Variants in PPP1R13B observed in about 807,000 individuals in gnomAD.
PPP1R13B encodes the protein apoptosis-stimulating of p53 protein 1.
PPP1R13B carries 44 observed loss-of-function variants against 119.8 expected under a neutral mutation model. That is an observed-to-expected ratio of 0.37 (90% CI 0.29 to 0.47). PPP1R13B has a LOEUF of 0.47. Ranked by LOEUF, PPP1R13B falls within the 20% of genes least tolerant of loss-of-function variation. The pLI, the probability that PPP1R13B is intolerant of heterozygous loss-of-function variation, is 0.99. For missense variants in PPP1R13B, 1,227 were observed against 1,413.5 expected (o/e 0.87, Z 2.12); for synonymous variants, 542 against 561.5 (o/e 0.97, Z 0.49).
intron 1 of PPP1R13B, among the ~76,000 whole-genome samples, chr14:103,810,970 T>C (rs1190732066): frequency 6.6e-6 from 1 of 150,784 alleles, no homozygotes; most frequent in Non-Finnish European, 1.5e-5. Flanking sequence ...TGCGTGCCTG[T>C]AATTCCACCT....
chr14:103,776,451 T>C (rs1339557468), intron 4 of PPP1R13B, among the ~76,000 whole-genome samples: 1 of 152,186 alleles, frequency 6.6e-6, no homozygotes, highest in Non-Finnish European at 1.5e-5. Flanking sequence ...CCGAGGCCAG[T>C]GGGCTAAACA....
At chr14:103,771,279 C>G (rs1049512196) in intron 4 of PPP1R13B, among the ~76,000 whole-genome samples, 2 of 151,902 alleles carry the variant, frequency 1.3e-5, no homozygotes, top group Non-Finnish European at 2.9e-5. Context: ...CAAAAAATGC[C>G]CAGAGGTAAA....
intron 1 of PPP1R13B, among the ~76,000 whole-genome samples, chr14:103,841,359 G>T (rs1247430048): frequency 6.6e-6 from 1 of 151,778 alleles, no homozygotes; most frequent in Non-Finnish European, 1.5e-5. Context: ...AGGCCGAGGC[G>T]GGCAGATCAC....
rs1290188022 is a variant in PPP1R13B, at chr14:103,735,094, A to G, written c.*60T>C. The G allele has an allele frequency of 6.3e-7, 1 of 1,591,502 alleles. No individual in the cohort carries two copies. Among genetic ancestry groups the G allele is most frequent in the Non-Finnish European group, 8.6e-7 (1 of 1,159,500 alleles). On this transcript the variant is annotated 3_prime_UTR_variant, in exon 17 of 17. Transcript: ENST00000202556. ...CTGCAGCTTTCCTGGAAAACAGCAC[A>G]ATAATCTCTTAAGTGGCTCCTGGTA...
intron 2 of PPP1R13B, among the ~76,000 whole-genome samples, chr14:103,787,195 T>C (rs991157993): frequency 6.6e-6 from 1 of 151,074 alleles, no homozygotes; most frequent in African/African-American, 2.4e-5. Flanking sequence ...ACGCCTGTAA[T>C]CCCAACACTT....
In PPP1R13B at chr14:103,740,562, T is replaced by C; in HGVS notation, c.1854A>G (p.Ser618=). 6.5e-7 allele frequency: 1 copy of C among 1,547,152 alleles called. No individual in the cohort carries two copies. The highest frequency in any genetic ancestry group is 8.7e-7 in the Non-Finnish European group (1 of 1,144,640). The change falls in exon 12 of 17, where the codon TCA becomes TCG. Residue 618 remains serine, a synonymous_variant. Transcript: ENST00000202556. This position sits in a 1 kb window ranked among gnomAD's most constrained non-coding sequence, Gnocchi z 4.6. ...GAAACGGCAGCGGCGATGGAGAGGT[T>C]GAACCCGAAGGTAAAACGGGCTTAC... The part of the protein sequence containing the change: ...VYGKPVLPSG[S]TSPSPLPFLH...
At chr14:103,744,932 A>G (rs1427975408) in intron 9 of PPP1R13B, among the ~76,000 whole-genome samples, 1 of 152,214 alleles carries the variant, frequency 6.6e-6, no homozygotes, top group Non-Finnish European at 1.5e-5. Context: ...AGCACAGCAG[A>G]CACCAACAAG....
chr14:103,846,849 T>A (rs2087050699), intron 1 of PPP1R13B: 2 of 505,068 alleles, frequency 4.0e-6, no homozygotes, highest in African/African-American at 2.0e-5. Context: ...CTTTCCTCAG[T>A]ACAACCGCGA....
In PPP1R13B at chr14:103,742,733, C is replaced by A. The variant is rs749856218; in HGVS notation, c.1241G>T (p.Ser414Ile). The part of the protein sequence containing the change: ...QVAGADWKDP[S>I]VEGSVKQGTV... ...GCCCTGCTTGACAGACCCCTCCACG[C>A]TCGGATCCTTCCAGTCTGCACCGGC... Residue 414 changes from serine to isoleucine, a missense_variant, in exon 10 of 17, where the codon AGC becomes ATC. Physicochemically the swap from Ser to Ile is moderately radical, Grantham distance 142. Coordinates refer to ENST00000202556, the MANE Select transcript of PPP1R13B (RefSeq NM_015316.3). This position sits in a 1 kb window ranked among gnomAD's most constrained non-coding sequence, Gnocchi z 4.9. The A allele has an allele frequency of 4.5e-5, 73 of 1,614,036 alleles. No homozygotes were observed. In the East Asian group the frequency reaches 7.3e-4, roughly 16 times the overall value.
intron 15 of PPP1R13B, 83 bp from the exon 16 acceptor site, chr14:103,736,285 TG>T: frequency 6.9e-7 from 1 of 1,452,512 alleles, no homozygotes; most frequent in Non-Finnish European, 9.5e-7. Context: ...GACACAGTCG[TG>T]CTGCTGCCGA....
intron 2 of PPP1R13B, among the ~76,000 whole-genome samples, chr14:103,795,910 A>G (rs1567130428): frequency 6.6e-6 from 1 of 152,238 alleles, no homozygotes; most frequent in African/African-American, 2.4e-5. Context: ...AAAAAATTGT[A>G]ATTTATATAC....
In PPP1R13B at chr14:103,761,143, G is replaced by A. The variant is rs138001560; in HGVS notation, c.355-3392C>T. ...ACAAAAATTAGCCAGGAATGGTAGCGGGCACCTGTAGTCCCAGTTACTTGG... is the reference window on the plus strand; with the variant it reads ...ACAAAAATTAGCCAGGAATGGTAGCAGGCACCTGTAGTCCCAGTTACTTGG... On this transcript the variant is annotated intron_variant, in intron 4 of 16. Coordinates refer to ENST00000202556, the MANE Select transcript of PPP1R13B (RefSeq NM_015316.3). Among the ~76,000 whole-genome samples the A allele has an allele frequency of 5.9e-5, 9 of 151,926 alleles. No homozygotes were observed. In the East Asian group the frequency reaches 9.7e-4, roughly 16 times the overall value.
chr14:103,775,470 T>C (rs932291843), intron 4 of PPP1R13B, among the ~76,000 whole-genome samples: 1 of 152,148 alleles, frequency 6.6e-6, no homozygotes, highest in Non-Finnish European at 1.5e-5. Flanking sequence ...AGAGAGGGTT[T>C]CACCATGTTG....
In PPP1R13B at chr14:103,778,754, A is replaced by C. The variant is rs770056840; in HGVS notation, c.345T>G (p.Thr115=). ...ATTCACTGTCACTTACCCCATTTTC[A>C]GTACGTTTTTCTCCAGGTACATTTA... ...NVINVPGEKR[T]ENGVGNPRVE... The change falls in exon 4 of 17, where the codon ACT becomes ACG. Residue 115 remains threonine, a synonymous_variant. Transcript: ENST00000202556. 10 of 1,613,412 alleles carry C rather than the reference A, an allele frequency of 6.2e-6. No individual in the cohort carries two copies. Among genetic ancestry groups the C allele is most frequent in the African/African-American group, 1.3e-5 (1 of 75,024 alleles).
At chr14:103,836,776 G>GAAAAAAAAAAA (rs11394353) in intron 1 of PPP1R13B, among the ~76,000 whole-genome samples, 1 of 114,832 alleles carries the variant, frequency 8.7e-6, no homozygotes. Context: ...TCTCAGAAAA[G>GAAAAAAAAAAA]AAAAAAAAAA....
At chr14:103,748,651 C>T (rs986593400) in intron 8 of PPP1R13B, among the ~76,000 whole-genome samples, 2 of 152,184 alleles carry the variant, frequency 1.3e-5, no homozygotes, top group African/African-American at 4.8e-5. Flanking sequence ...GCCACAGGTG[C>T]GAGAAAGTCA....
chr14:103,841,574 G>A (rs1231261340), intron 1 of PPP1R13B, among the ~76,000 whole-genome samples: 1 of 151,556 alleles, frequency 6.6e-6, no homozygotes, highest in Non-Finnish European at 1.5e-5. Context: ...TGGGCAACAG[G>A]TCAACACTCC....
chr14:103,763,849 G>GTC (rs1312744421), intron 4 of PPP1R13B: 1 of 152,220 alleles, frequency 6.6e-6, no homozygotes, highest in African/African-American at 2.4e-5. Flanking sequence ...TCTGCTTTCT[G>GTC]TCTCTAGACT....
chr14:103,771,174 G>T (rs544419548), intron 4 of PPP1R13B, among the ~76,000 whole-genome samples: 1 of 152,138 alleles, frequency 6.6e-6, no homozygotes, highest in African/African-American at 2.4e-5. Context: ...TCATGAAAGC[G>T]TCATGATCCA....
Sources: allele counts gnomAD v4.1 joint callset (sites outside exome capture counted in the v4.1 genomes callset), GRCh38; gene constraint gnomAD v4.1.1; non-coding constraint Gnocchi (gnomAD v3.1); transcripts MANE v1.5; gene names NCBI Gene and HGNC (gene_info 2026-07-23, HGNC 2026-07-21).